PUM2: variants seen among roughly 807,000 people sequenced by gnomAD.
PUM2 encodes pumilio RNA binding family member 2, also known as pumilio homolog 2.
PUM2 carries 57 observed loss-of-function variants against 124.5 expected under a neutral mutation model. The observed-to-expected ratio is 0.46, with a 90% CI of 0.37 to 0.57. The LOEUF (loss-of-function observed/expected upper bound fraction) is 0.57. Ranked by LOEUF, PUM2 falls within the 20% of genes least tolerant of loss-of-function variation. The pLI, the probability that PUM2 is intolerant of heterozygous loss-of-function variation, is 0.00. For missense variants in PUM2, 1,065 were observed against 1,290.6 expected, an observed-to-expected ratio of 0.83 and a Z score of 2.68; for synonymous variants, 460 against 446.1, an observed-to-expected ratio of 1.03 and a Z score of -0.39.
At chr2:20,288,314 G>A (rs1469648745) in intron 10 of PUM2, among the ~76,000 whole-genome samples, 2 of 152,176 alleles carry the variant, frequency 1.3e-5, no homozygotes, top group Non-Finnish European at 2.9e-5. Flanking sequence ...GTTACAAAGA[G>A]TTGGACACAG....
chr2:20,276,257 A>C (rs1268698193), intron 13 of PUM2, among the ~76,000 whole-genome samples: 2 of 100,398 alleles, frequency 2.0e-5, no homozygotes, highest in African/African-American at 8.3e-5. Flanking sequence ...AAAAATGAAA[A>C]CTTTTTTTTT....
At chr2:20,276,630 C>T (rs969784952) in intron 13 of PUM2, among the ~76,000 whole-genome samples, 3 of 151,926 alleles carry the variant, frequency 2.0e-5, no homozygotes, top group Non-Finnish European at 2.9e-5. Context: ...GACAGCCTTG[C>T]ATCATGATCC....
At chr2:20,350,501 G>T (rs1689139449) in intron 1 of PUM2, 96 bp downstream of exon 1, 1 of 985,566 alleles carries the variant, frequency 1.0e-6, no homozygotes. Flanking sequence ...CCTCCCGCTG[G>T]CGATCGGCTC....
In PUM2 at chr2:20,248,918, A is replaced by C. The variant is rs115302390; in HGVS notation, c.*2667T>G. On this transcript the variant is annotated 3_prime_UTR_variant, in exon 21 of 21. Transcript: ENST00000361078. Reference sequence around the variant, plus strand: ...AGTAAAGCCTAGGTAGTTTTGCCCAATTGTTTTATTCTGAAATGTGATTTT... The same window carrying C: ...AGTAAAGCCTAGGTAGTTTTGCCCACTTGTTTTATTCTGAAATGTGATTTT... The C allele has an allele frequency of 6.6e-6, 1 of 152,520 alleles. No homozygotes were observed. The highest frequency in any genetic ancestry group is 6.5e-5 in the Admixed American group (1 of 15,278). The allele number at this position is 152,520 out of a possible 1,614,324, so 9.4% of individuals were successfully genotyped here. A position where few individuals can be genotyped will look rare whatever the true frequency, so the allele number is the denominator to read the frequency against.
At chr2:20,297,458 T>A in intron 8 of PUM2, 95 bp downstream of exon 8, 1 of 1,195,674 alleles carries the variant, frequency 8.4e-7, no homozygotes, top group Non-Finnish European at 1.1e-6. Context: ...TTCTTAGGAA[T>A]TTCAAATTGC....
At chr2:20,336,485 G>C (rs1363148314) in intron 1 of PUM2, among the ~76,000 whole-genome samples, 1 of 151,692 alleles carries the variant, frequency 6.6e-6, no homozygotes, top group African/African-American at 2.4e-5. Context: ...AATGTGCCTG[G>C]CCTAAAAAGT....
At chr2:20,264,389 T>C (rs1667155323) in intron 13 of PUM2, among the ~76,000 whole-genome samples, 1 of 115,586 alleles carries the variant, frequency 8.7e-6, no homozygotes, top group Non-Finnish European at 1.7e-5. Flanking sequence ...TATATATATA[T>C]ATATATATTT....
chr2:20,315,175 A>C (rs1169724858), intron 3 of PUM2, among the ~76,000 whole-genome samples: 1 of 151,212 alleles, frequency 6.6e-6, no homozygotes, highest in African/African-American at 2.4e-5. Flanking sequence ...TGCTGCAATT[A>C]CAGATGGAAG....
intron 7 of PUM2, among the ~76,000 whole-genome samples, chr2:20,307,049 C>T (rs1174422179): frequency 6.6e-6 from 1 of 151,962 alleles, no homozygotes; most frequent in Admixed American, 6.6e-5. Context: ...ACCCCCGTCT[C>T]TACTAAAAAT....
chr2:20,345,069 T>C (rs1242430819), intron 1 of PUM2, among the ~76,000 whole-genome samples: 1 of 150,074 alleles, frequency 6.7e-6, no homozygotes, highest in African/African-American at 2.4e-5. Context: ...TCTACCTACA[T>C]GTGTCCACAG....
At chr2:20,350,394 C>T (rs1007272078) in intron 1 of PUM2, 2 of 842,302 alleles carry the variant, frequency 2.4e-6, no homozygotes, top group Non-Finnish European at 2.9e-6. Context: ...CGCCCCCTCC[C>T]CCGCACGCGC....
intron 12 of PUM2, among the ~76,000 whole-genome samples, chr2:20,280,519 T>C (rs574019633): frequency 9.2e-5 from 14 of 152,148 alleles, no homozygotes; most frequent in African/African-American, 1.4e-4. Context: ...CAGAAAACAA[T>C]TTAACTGACA....
chr2:20,309,172 G>T (rs930086331), intron 5 of PUM2, among the ~76,000 whole-genome samples: 1 of 152,106 alleles, frequency 6.6e-6, no homozygotes, highest in Non-Finnish European at 1.5e-5. Flanking sequence ...TTCTGACTTT[G>T]TCTTTTAAAT....
At chr2:20,345,250 G>A (rs1400057752) in intron 1 of PUM2, among the ~76,000 whole-genome samples, 2 of 151,746 alleles carry the variant, frequency 1.3e-5, no homozygotes, top group African/African-American at 2.4e-5. Flanking sequence ...AGCTTGGACT[G>A]TAAGTGCGTG....
intron 2 of PUM2, among the ~76,000 whole-genome samples, chr2:20,325,995 CCCT>C (rs1402092036): frequency 6.6e-6 from 1 of 152,156 alleles, no homozygotes; most frequent in Non-Finnish European, 1.5e-5. Flanking sequence ...CACTGTTCAA[CCCT>C]GCTTTTAATA....
At position 20,255,220 on chromosome 2, in the gene PUM2, A is replaced by G; in HGVS notation, c.2744T>C (p.Val915Ala). The G allele has an allele frequency of 1.3e-6, 2 of 1,598,978 alleles. No homozygotes were observed. Among genetic ancestry groups the G allele is most frequent in the Non-Finnish European group, 1.7e-6 (2 of 1,166,848 alleles). Residue 915 changes from valine (V) to alanine (A), a missense_variant, in exon 18 of 21, where the codon GTA (valine) becomes GCA (alanine). Val to Ala is a moderately conservative substitution (Grantham distance 64, BLOSUM62 0). This residue lies in a region of PUM2 where 968 missense variants were observed against 1,159.8 expected (regional missense o/e 0.83). Transcript: ENST00000361078. ...AAATTATTAGGGAATTTATACCTGT[A>G]CCAACTGCTCTGTATGTTGGTGGAG... is the stretch of plus-strand genomic sequence containing the variant. The part of the protein sequence containing the change: ...EELHQHTEQL[V>A]QDQYGNYVIQ...
chr2:20,263,941 T>C (rs2148585795), intron 13 of PUM2, among the ~76,000 whole-genome samples: 2 of 152,128 alleles, frequency 1.3e-5, no homozygotes, highest in Middle Eastern at 3.4e-3. Context: ...ATAAATCAAT[T>C]CTTACCATCA....
intron 10 of PUM2, among the ~76,000 whole-genome samples, chr2:20,286,628 T>C (rs1175180880): frequency 6.6e-6 from 1 of 152,202 alleles, no homozygotes; most frequent in Non-Finnish European, 1.5e-5. Context: ...GGGATAATTA[T>C]TTTGTTTATT....
rs546461465 is a variant in PUM2 at position 20,249,786 on chromosome 2, A to G, written c.*1799T>C. ...GTTTATACAAAATACTGACTTCAACAAAATACAAAGCACTTTCTTTATCTT... is the reference window on the plus strand; with the variant it reads ...GTTTATACAAAATACTGACTTCAACGAAATACAAAGCACTTTCTTTATCTT... On this transcript the variant is annotated 3_prime_UTR_variant, in exon 21 of 21. Transcript: ENST00000361078. The G allele has an allele frequency of 6.5e-6, 1 of 152,816 alleles. No homozygotes were observed. Among genetic ancestry groups the G allele is most frequent in the South Asian group, 2.1e-4 (1 of 4,834 alleles). 9.5% of individuals were successfully genotyped at this position (152,816 alleles called of 1,614,324 possible).
Sources: allele counts gnomAD v4.1 joint callset (sites outside exome capture counted in the v4.1 genomes callset), GRCh38; gene constraint gnomAD v4.1.1; regional missense constraint gnomAD v4.1.1; transcripts MANE v1.5; gene names NCBI Gene and HGNC (gene_info 2026-07-23, HGNC 2026-07-21).